Variants in FRMD4B observed in about 807,000 individuals in gnomAD.
FRMD4B encodes FERM domain-containing protein 4B.
Under a neutral mutation model 141.5 loss-of-function variants are expected in FRMD4B, and 74 were observed. That is an observed-to-expected ratio of 0.52 (90% CI 0.43 to 0.63). FRMD4B has a LOEUF of 0.63. Among genes scored for constraint, FRMD4B ranks in the 30% least tolerant of loss-of-function variants. The pLI is 0.00. For missense variants in FRMD4B, 1,366 were observed against 1,253.4 expected (o/e 1.09, Z -1.36); for synonymous variants, 506 against 467.9 (o/e 1.08, Z -1.05).
At chr3:69,363,120 AG>A (rs1173627937) in intron 1 of FRMD4B, among the ~76,000 whole-genome samples, 1 of 152,076 alleles carries the variant, frequency 6.6e-6, no homozygotes, top group Non-Finnish European at 1.5e-5. Context: ...TAAAAGTCCC[AG>A]GCTTCTTCTA....
chr3:69,286,104 C>G (rs959303903), intron 5 of FRMD4B, among the ~76,000 whole-genome samples: 1 of 152,162 alleles, frequency 6.6e-6, no homozygotes, highest in East Asian at 1.9e-4. Context: ...CAGGTACAAG[C>G]TGAAGGAATT....
At chr3:69,490,776 T>C (rs1575589163) in intron 1 of FRMD4B, among the ~76,000 whole-genome samples, 1 of 152,044 alleles carries the variant, frequency 6.6e-6, no homozygotes, top group Non-Finnish European at 1.5e-5. Flanking sequence ...GTCACAGCTG[T>C]CCCCACCACA....
intron 1 of FRMD4B, among the ~76,000 whole-genome samples, chr3:69,370,597 G>C (rs1703797449): frequency 6.6e-6 from 1 of 152,222 alleles, no homozygotes; most frequent in African/African-American, 2.4e-5. Flanking sequence ...TAATGAAAAA[G>C]AATAAACCCA....
At chr3:69,191,168 C>G (rs2092831610) in intron 17 of FRMD4B, among the ~76,000 whole-genome samples, 2 of 152,212 alleles carry the variant, frequency 1.3e-5, no homozygotes, top group South Asian at 4.1e-4. Flanking sequence ...CCTGTAATCT[C>G]AGCACTTCGA....
intron 5 of FRMD4B, among the ~76,000 whole-genome samples, chr3:69,266,571 C>T (rs1301673586): frequency 2.0e-5 from 3 of 152,070 alleles, no homozygotes; most frequent in African/African-American, 4.8e-5. Context: ...GGTGACCCAC[C>T]CACCTCGGCC....
intron 10 of FRMD4B, 27 bp downstream of exon 10, chr3:69,218,295 A>G (rs2093160585): frequency 1.6e-6 from 2 of 1,232,956 alleles, no homozygotes; most frequent in Admixed American, 3.7e-5. Context: ...AATCATCACG[A>G]AAGCTTTGTC....
intron 5 of FRMD4B, among the ~76,000 whole-genome samples, chr3:69,268,593 C>G (rs1006264086): frequency 8.6e-5 from 13 of 151,788 alleles, no homozygotes; most frequent in Admixed American, 3.9e-4. Flanking sequence ...TATTTTTTCT[C>G]TATTTAGAAA....
At chr3:69,229,799 G>C (rs563999866) in intron 7 of FRMD4B, among the ~76,000 whole-genome samples, 1 of 151,992 alleles carries the variant, frequency 6.6e-6, no homozygotes, top group Non-Finnish European at 1.5e-5. Context: ...ACAAGGACCC[G>C]GGTTCAAATG....
At chr3:69,189,441 A>G in intron 18 of FRMD4B, among the ~76,000 whole-genome samples, 1 of 152,156 alleles carries the variant, frequency 6.6e-6, no homozygotes, top group East Asian at 1.9e-4. Context: ...TTTATTTCAT[A>G]TTGTGATGAA....
chr3:69,446,174 T>C (rs1244122494), intron 1 of FRMD4B, among the ~76,000 whole-genome samples: 2 of 146,826 alleles, frequency 1.4e-5, no homozygotes, highest in South Asian at 2.2e-4. Flanking sequence ...ATTACAGGCA[T>C]GTACCACCAT....
intron 16 of FRMD4B, 148 bp downstream of exon 16, chr3:69,194,872 AAG>A (rs2092882131): frequency 1.6e-6 from 1 of 613,310 alleles, no homozygotes; most frequent in South Asian, 3.0e-5. Flanking sequence ...GTGGGCATGA[AAG>A]AAAGAGTTCA....
intron 1 of FRMD4B, among the ~76,000 whole-genome samples, chr3:69,483,589 G>C (rs546934196): frequency 1.2e-4 from 18 of 152,264 alleles, no homozygotes; most frequent in African/African-American, 4.3e-4. Flanking sequence ...ACCATATTGG[G>C]AAATGGTCAC....
At chr3:69,513,723 A>G (rs567682867) in intron 1 of FRMD4B, among the ~76,000 whole-genome samples, 1 of 152,330 alleles carries the variant, frequency 6.6e-6, no homozygotes, top group African/African-American at 2.4e-5. Context: ...TTTCTGGAAT[A>G]CAAAGATAGT....
chr3:69,331,000 T>C (rs1461756075), intron 1 of FRMD4B, among the ~76,000 whole-genome samples: 1 of 152,194 alleles, frequency 6.6e-6, no homozygotes, highest in African/African-American at 2.4e-5. Flanking sequence ...TCTATTCTAA[T>C]CTCAGTTCCG....
intron 19 of FRMD4B, among the ~76,000 whole-genome samples, chr3:69,186,691 G>A (rs560592412): frequency 3.9e-5 from 6 of 152,270 alleles, no homozygotes; most frequent in Non-Finnish European, 7.4e-5. Context: ...CAGCCTGAGC[G>A]ACAGAAAGAG....
At position 69,287,743 on chromosome 3, in the gene FRMD4B, G is replaced by T; in HGVS notation, c.501+9C>A. ...GGCATCCAGTGAACATGACAAACGG[G>T]GCACCTACCTTGTGCACACAGGCCT... On this transcript the variant is annotated intron_variant, in intron 5 of 22. Coordinates refer to ENST00000398540, the MANE Select transcript of FRMD4B (RefSeq NM_015123.3). 1 of 1,515,370 alleles carries T rather than the reference G, an allele frequency of 6.6e-7. No homozygotes were observed. The highest frequency in any genetic ancestry group is 1.7e-5 in the Admixed American group (1 of 59,378). 93.9% of individuals were successfully genotyped at this position (1,515,370 alleles called of 1,614,324 possible).
chr3:69,522,363 G>T (rs758058451), intron 1 of FRMD4B, among the ~76,000 whole-genome samples: 8 of 149,974 alleles, frequency 5.3e-5, no homozygotes, highest in Non-Finnish European at 1.2e-4. Flanking sequence ...TCAGATGAGG[G>T]CAAAAAGTCA....
chr3:69,514,349 G>A (rs1462786581), intron 1 of FRMD4B, among the ~76,000 whole-genome samples: 1 of 151,958 alleles, frequency 6.6e-6, no homozygotes, highest in Admixed American at 6.6e-5. Flanking sequence ...TAAGCAAGGA[G>A]GTGAAAGAGT....
intron 1 of FRMD4B, among the ~76,000 whole-genome samples, chr3:69,383,927 A>G (rs763746048): frequency 1.7e-4 from 25 of 150,272 alleles, no homozygotes; most frequent in Non-Finnish European, 1.0e-4. Flanking sequence ...TGTACAATTG[A>G]TTAAAGTTAA....
Sources: gnomAD v4.1 joint callset for allele counts (sites outside exome capture counted in the v4.1 genomes callset) on GRCh38, gnomAD v4.1.1 for gene constraint, MANE v1.5 for transcripts, NCBI Gene and HGNC (gene_info 2026-07-23, HGNC 2026-07-21) for gene names.